The following MTR variants were observed in gnomAD, a reference collection of about 807,000 sequenced individuals.
MTR encodes the protein 5-methyltetrahydrofolate-homocysteine methyltransferase.
MTR carries 84 observed loss-of-function variants against 154.8 expected under a neutral mutation model. The ratio of observed to expected loss-of-function variants is 0.54; its 90% confidence interval spans 0.45 to 0.65. The LOEUF (loss-of-function observed/expected upper bound fraction) is 0.65. Ranked by LOEUF, MTR falls within the 30% of genes least tolerant of loss-of-function variation. The pLI is 0.00. For synonymous variants in MTR, 554 were observed against 553.9 expected, an observed-to-expected ratio of 1.00 and a Z score of 0.00; for missense variants, 1,275 against 1,570.2, an observed-to-expected ratio of 0.81 and a Z score of 3.18.
intron 1 of MTR, 137 bp downstream of exon 1, chr1:236,795,874 A>G (rs1660350353): frequency 7.3e-7 from 1 of 1,372,532 alleles, no homozygotes; most frequent in African/African-American, 1.4e-5. Flanking sequence ...GCACCTTTAG[A>G]ACTTAGCGCA....
At position 236,843,365 on chromosome 1, in the gene MTR, G is replaced by T. The variant is rs142099260; in HGVS notation, c.1515+4766G>T. ...AACCAACAGGGAAGCCAGAGTAGCT[G>T]GAGCAGAGGGGAGAGGAGGAGATTG... On this transcript the variant is annotated intron_variant, in intron 15 of 32. Coordinates refer to ENST00000366577, the MANE Select transcript of MTR (RefSeq NM_000254.3). Among the ~76,000 whole-genome samples, 373 of 152,246 alleles carry T rather than the reference G, an allele frequency of 2.4e-3. 2 individuals are homozygous for T. The highest frequency in any genetic ancestry group is 8.0e-3 in the African/African-American group (331 of 41,538).
chr1:236,799,669 A>G (rs928702155), intron 1 of MTR, among the ~76,000 whole-genome samples: 3 of 152,202 alleles, frequency 2.0e-5, no homozygotes, highest in South Asian at 2.1e-4. Context: ...ACACAAATCA[A>G]TAAGAAAACA....
chr1:236,865,693 T>A (rs1664784161), intron 22 of MTR, among the ~76,000 whole-genome samples: 1 of 152,230 alleles, frequency 6.6e-6, no homozygotes, highest in Non-Finnish European at 1.5e-5. Context: ...AGGATTTGAA[T>A]AGAACTAAGG....
At chr1:236,873,919 GTGAA>G in intron 23 of MTR, 79 bp downstream of exon 23, 1 of 1,354,102 alleles carries the variant, frequency 7.4e-7, no homozygotes, top group Non-Finnish European at 1.1e-6. Flanking sequence ...TTGTCTGTCA[GTGAA>G]TAGTGATGCC....
chr1:236,823,772 T>A (rs1238409556), intron 8 of MTR, among the ~76,000 whole-genome samples: 2 of 149,080 alleles, frequency 1.3e-5, no homozygotes, highest in Non-Finnish European at 3.0e-5. Context: ...TTCCTTTCTT[T>A]TAAATTTTGC....
chr1:236,806,968 G>A (rs1324426996), intron 3 of MTR, among the ~76,000 whole-genome samples: 1 of 152,056 alleles, frequency 6.6e-6, no homozygotes, highest in East Asian at 1.9e-4. Flanking sequence ...TATATACCAC[G>A]TTTTGCTTAT....
chr1:236,873,887 C>T (rs1364918891), intron 23 of MTR, 47 bp downstream of exon 23: 2 of 1,544,292 alleles, frequency 1.3e-6, no homozygotes, highest in African/African-American at 1.4e-5. Context: ...GTCATATCCC[C>T]AGGTGTCTGT....
At chr1:236,852,379 A>G (rs1203127350) in intron 16 of MTR, 142 bp from the exon 17 acceptor site, 3 of 706,070 alleles carry the variant, frequency 4.2e-6, no homozygotes, top group Non-Finnish European at 7.5e-6. Context: ...GTCTATGTCT[A>G]GTAACAAGAA....
Position 236,816,543 on chromosome 1 carries a change from G to A in MTR, c.764G>A (p.Cys255Tyr), listed in dbSNP as rs1140598. Residue 255 changes from cysteine to tyrosine, a missense_variant and splice_region_variant, in exon 8 of 33, where the codon TGC becomes TAC. Transcript: ENST00000366577. ...AGCGTGTCTCATGGAGAACCACTCT[G>A]GTGAGTGATCCATCTTTCTGTAACT... ...VISVSHGEPL[C>Y]IGLNCALGAA... The A allele has an allele frequency of 1.2e-6, 2 of 1,612,992 alleles. No homozygotes were observed. The highest frequency in any genetic ancestry group is 3.3e-5 in the Admixed American group (2 of 59,992).
At chr1:236,818,401 C>G (rs1661725351) in intron 8 of MTR, among the ~76,000 whole-genome samples, 2 of 152,148 alleles carry the variant, frequency 1.3e-5, no homozygotes. Flanking sequence ...TTCTCAAGGG[C>G]CCCTTAGAGG....
At chr1:236,851,491 AAT>A (rs1338200087) in intron 16 of MTR, among the ~76,000 whole-genome samples, 3 of 152,222 alleles carry the variant, frequency 2.0e-5, no homozygotes, top group Admixed American at 6.5e-5. Context: ...AGTCTTAATG[AAT>A]CAACAGTAAA....
chr1:236,805,791 C>T (rs1328775788), intron 2 of MTR, among the ~76,000 whole-genome samples: 1 of 152,118 alleles, frequency 6.6e-6, no homozygotes, highest in Non-Finnish European at 1.5e-5. Flanking sequence ...AGCCACCATG[C>T]CTGGCTGATG....
intron 21 of MTR, 118 bp from the exon 22 acceptor site, chr1:236,863,336 T>G: frequency 1.2e-6 from 1 of 820,500 alleles, no homozygotes; most frequent in Non-Finnish European, 2.1e-6. Flanking sequence ...GGTCTGTCTT[T>G]GAGGTGCTCT....
chr1:236,823,978 T>C, intron 8 of MTR, 141 bp from the exon 9 acceptor site: 1 of 724,984 alleles, frequency 1.4e-6, no homozygotes, highest in Non-Finnish European at 2.4e-6. Flanking sequence ...GAGATGGCTT[T>C]GATGGTAGTT....
At chr1:236,799,823 T>C (rs1446532699) in intron 1 of MTR, among the ~76,000 whole-genome samples, 1 of 152,068 alleles carries the variant, frequency 6.6e-6, no homozygotes, top group Non-Finnish European at 1.5e-5. Context: ...GGTTGGTCTT[T>C]TTGAGTCTTA....
chr1:236,830,770 A>G (rs1454792684), intron 12 of MTR, among the ~76,000 whole-genome samples: 1 of 152,192 alleles, frequency 6.6e-6, no homozygotes, highest in African/African-American at 2.4e-5. Context: ...GGCTGGGGCC[A>G]TGAGGATCAT....
intron 2 of MTR, among the ~76,000 whole-genome samples, chr1:236,805,361 T>C (rs1051591295): frequency 2.6e-5 from 4 of 151,836 alleles, no homozygotes; most frequent in African/African-American, 9.7e-5. Flanking sequence ...GAGGTTGAGA[T>C]CTCTGAGATG....
chr1:236,816,734 T>G lies in MTR; in HGVS notation c.764+191T>G, dbSNP rs558696649. On this transcript the variant is annotated intron_variant, in intron 8 of 32. Transcript: ENST00000366577. ...GAAGATCGCTGCCTAAACGGGTCAA[T>G]TTGAGGGACTGGGAGAGTTCTCATA... 7.9e-5 allele frequency among the ~76,000 whole-genome samples: 12 copies of G among 152,332 alleles called. No homozygotes were observed. In the East Asian group the frequency reaches 2.3e-3, roughly 29 times the overall value.
chr1:236,834,534 A>G (rs1200689857), intron 13 of MTR, among the ~76,000 whole-genome samples: 1 of 152,164 alleles, frequency 6.6e-6, no homozygotes, highest in Non-Finnish European at 1.5e-5. Flanking sequence ...TTGGCTCACT[A>G]CATGTGGTGT....
Sources: gnomAD v4.1 joint callset for allele counts (sites outside exome capture counted in the v4.1 genomes callset) on GRCh38, gnomAD v4.1.1 for gene constraint, MANE v1.5 for transcripts, NCBI Gene and HGNC (gene_info 2026-07-23, HGNC 2026-07-21) for gene names.